The following WDR93 variants were observed in gnomAD, a reference collection of about 807,000 sequenced individuals.
WDR93 encodes WD repeat-containing protein 93.
WDR93 carries 73 observed loss-of-function variants against 82.9 expected under a neutral mutation model. The observed-to-expected ratio is 0.88, with a 90% CI of 0.73 to 1.07. The LOEUF (loss-of-function observed/expected upper bound fraction) is 1.07. WDR93 is among the 50% of genes least tolerant of loss of function. WDR93 has a pLI of 0.00. For synonymous variants in WDR93, 283 were observed against 300.1 expected (o/e 0.94, Z 0.59); for missense variants, 738 against 826.0 (o/e 0.89, Z 1.31).
rs778180987 is a variant in WDR93 at position 89,690,841 on chromosome 15, C to CA, written c.-55dup. ...GGAAGTTGTGGTTACCAAGGCGACG[C>CA]AACGCCGCCCGGCCAGGTGAGCAAA... On this transcript the variant is annotated 5_prime_UTR_variant, in exon 1 of 17. Coordinates refer to ENST00000268130, the MANE Select transcript of WDR93 (RefSeq NM_020212.2). 23 of 553,696 alleles carry CA rather than the reference C, an allele frequency of 4.2e-5. No homozygotes were observed. The highest frequency in any genetic ancestry group is 5.8e-5 in the African/African-American group (3 of 51,650). 34.3% of individuals were successfully genotyped at this position (553,696 alleles called of 1,614,324 possible).
chr15:89,710,103 TG>T (rs1965905677), intron 4 of WDR93, among the ~76,000 whole-genome samples: 1 of 152,230 alleles, frequency 6.6e-6, no homozygotes, highest in African/African-American at 2.4e-5. Context: ...GAGATTGCAG[TG>T]AGCTGAGATC....
chr15:89,699,867 GT>G (rs1965370510), intron 1 of WDR93, among the ~76,000 whole-genome samples: 2 of 152,208 alleles, frequency 1.3e-5, no homozygotes, highest in Admixed American at 1.3e-4. Context: ...AGTTATAACT[GT>G]TTTGTCTGCT....
intron 1 of WDR93, among the ~76,000 whole-genome samples, chr15:89,696,150 T>C (rs1405034384): frequency 1.3e-5 from 2 of 152,184 alleles, no homozygotes; most frequent in African/African-American, 4.8e-5. Flanking sequence ...CCTTCCCTGC[T>C]TATAACTCTT....
intron 16 of WDR93, among the ~76,000 whole-genome samples, chr15:89,742,403 A>T (rs112788100): frequency 6.7e-6 from 1 of 150,192 alleles, no homozygotes; most frequent in Non-Finnish European, 1.5e-5. Context: ...CCCTACCACA[A>T]CCCCACTGAC....
Position 89,738,136 on chromosome 15 carries a change from A to C in WDR93, c.1861A>C (p.Ile621Leu). 1.2e-6 allele frequency: 2 copies of C among 1,614,222 alleles called. No homozygotes were observed. The highest frequency in any genetic ancestry group is 1.7e-6 in the Non-Finnish European group (2 of 1,180,036). Residue 621 changes from isoleucine to leucine, a missense_variant, in exon 16 of 17, where the codon ATC becomes CTC. Transcript: ENST00000268130. ...TGAGGCCTGCCCACTCCTGGAAAAT[A>C]TCTCAAAAAATTGTACCATTCCTCA... ...NFEACPLLEN[I>L]SKNCTIPQRD... is the part of the protein sequence containing the mutation.
intron 3 of WDR93, chr15:89,704,305 G>C (rs1965626353): frequency 6.6e-6 from 1 of 152,170 alleles, no homozygotes; most frequent in African/African-American, 2.4e-5. Context: ...TCCAGCATGG[G>C]TGACAGAATG....
Position 89,703,403 on chromosome 15 carries a change from A to T in WDR93, c.496+261A>T, listed in dbSNP as rs1965569918. The T allele has an allele frequency of 1.8e-5, 9 of 503,084 alleles. No homozygotes were observed. In the South Asian group the frequency reaches 2.5e-4, roughly 14 times the overall value. 31.2% of individuals were successfully genotyped at this position (503,084 alleles called of 1,614,324 possible). ...CCTGTTCAGAAGAGGCAACTGACTT[A>T]TGGAAGCTAAATAACTTATTTGAGG... is the stretch of plus-strand genomic sequence containing the variant. On this transcript the variant is annotated intron_variant, in intron 3 of 16. Coordinates refer to ENST00000268130, the MANE Select transcript of WDR93 (RefSeq NM_020212.2).
At chr15:89,729,812 G>A (rs1966844060) in intron 11 of WDR93, 43 bp downstream of exon 11, 1 of 1,490,848 alleles carries the variant, frequency 6.7e-7, no homozygotes, top group East Asian at 2.3e-5. Context: ...CTCAGGACTT[G>A]CAGACATGTC....
intron 13 of WDR93, among the ~76,000 whole-genome samples, chr15:89,733,953 A>G (rs1966951109): frequency 6.6e-6 from 1 of 152,146 alleles, no homozygotes. Context: ...TCTCTTTTAA[A>G]CATTTAAAAA....
intron 8 of WDR93, among the ~76,000 whole-genome samples, chr15:89,726,027 T>TATTTC (rs1966725189): frequency 6.6e-6 from 1 of 152,244 alleles, no homozygotes; most frequent in Non-Finnish European, 1.5e-5. Flanking sequence ...GAAGAGGATC[T>TATTTC]ATAGTACTAA....
At chr15:89,717,813 C>T (rs1966329869) in intron 7 of WDR93, among the ~76,000 whole-genome samples, 1 of 152,262 alleles carries the variant, frequency 6.6e-6, no homozygotes, top group African/African-American at 2.4e-5. Flanking sequence ...TTTGCCTCTA[C>T]CAAAATAACA....
chr15:89,719,849 G>A (rs563105882), intron 7 of WDR93, among the ~76,000 whole-genome samples: 3 of 151,160 alleles, frequency 2.0e-5, no homozygotes, highest in East Asian at 1.9e-4. Flanking sequence ...CACCCAGGCT[G>A]GAGTGCACTG....
At chr15:89,740,842 T>A (rs114725476) in intron 16 of WDR93, among the ~76,000 whole-genome samples, 4,112 of 152,128 alleles carry the variant, frequency 0.027, 182 homozygotes, top group African/African-American at 0.094. Context: ...ATTACTTTTT[T>A]AAAAAGTGTT....
chr15:89,733,987 T>G (rs1484586636), intron 13 of WDR93, among the ~76,000 whole-genome samples: 2 of 151,160 alleles, frequency 1.3e-5, no homozygotes, highest in Non-Finnish European at 2.9e-5. Context: ...CAAATGAACC[T>G]GTATAATGTG....
At chr15:89,717,456 C>CCA (rs2141648657) in intron 7 of WDR93, among the ~76,000 whole-genome samples, 1 of 152,312 alleles carries the variant, frequency 6.6e-6, no homozygotes, top group South Asian at 2.1e-4. Context: ...GTGACTTAAT[C>CCA]TTGTGCCTCA....
intron 5 of WDR93, 125 bp downstream of exon 5, chr15:89,712,229 G>T: frequency 2.7e-6 from 2 of 747,942 alleles, no homozygotes; most frequent in South Asian, 2.0e-5. Flanking sequence ...GAGTTGCAAA[G>T]AAATTACAGA....
At chr15:89,711,461 A>T (rs1227131453) in intron 4 of WDR93, among the ~76,000 whole-genome samples, 1 of 151,956 alleles carries the variant, frequency 6.6e-6, no homozygotes, top group Non-Finnish European at 1.5e-5. Flanking sequence ...CAGGAGTTCA[A>T]GACCAGCCTG....
rs369062759 is a variant in WDR93, at chr15:89,738,033, C to G, written c.1766-8C>G. The G allele has an allele frequency of 6.2e-7, 1 of 1,601,368 alleles. No individual in the cohort carries two copies. Among genetic ancestry groups the G allele is most frequent in the Non-Finnish European group, 8.5e-7 (1 of 1,173,772 alleles). ...TACACAGAACATGGTGTTCTTGTCT[C>G]GTCACAGGAGACTATTCACATGAAA... On this transcript the variant is annotated splice_region_variant and splice_polypyrimidine_tract_variant and intron_variant, in intron 15 of 16. Transcript: ENST00000268130.
intron 1 of WDR93, among the ~76,000 whole-genome samples, chr15:89,691,387 C>A (rs1367132521): frequency 1.3e-5 from 2 of 152,200 alleles, no homozygotes; most frequent in Non-Finnish European, 2.9e-5. Flanking sequence ...CTTACCCACT[C>A]CGTGGCAGTA....
Sources: allele counts gnomAD v4.1 joint callset (sites outside exome capture counted in the v4.1 genomes callset), GRCh38; gene constraint gnomAD v4.1.1; transcripts MANE v1.5; gene names NCBI Gene and HGNC (gene_info 2026-07-23, HGNC 2026-07-21).